The following PACRG variants were observed in gnomAD, a reference collection of about 807,000 sequenced individuals.
PACRG encodes parkin coregulated gene protein.
A neutral mutation model predicts 29.7 loss-of-function variants in PACRG; 29 were observed. The observed-to-expected ratio is 0.98, with a 90% CI of 0.73 to 1.33. PACRG has a LOEUF of 1.33. Ranked by LOEUF, PACRG falls within the 40% of genes most tolerant of loss-of-function variation. The probability of loss-of-function intolerance (pLI) is 0.00; values close to 1 mark genes in which losing one functional copy is unlikely to be tolerated. For synonymous variants in PACRG, 116 were observed against 118.7 expected, an observed-to-expected ratio of 0.98 and a Z score of 0.15; for missense variants, 279 against 316.2, an observed-to-expected ratio of 0.88 and a Z score of 0.89.
rs536636829 is a variant in PACRG at position 162,832,900 on chromosome 6, C to A, written c.291+18619C>A. Among the ~76,000 whole-genome samples, 13 of 150,962 alleles carry A rather than the reference C, an allele frequency of 8.6e-5. No homozygotes were observed. The East Asian group carries it at 2.3e-3, about 27-fold the overall frequency. On this transcript the variant is annotated intron_variant, in intron 2 of 4. Transcript: ENST00000366888. ...GTTTGATGTCTTCCTTTCTACTCAACAAAACCAATGATTTGCAATTTGAAT... is the reference window on the plus strand; with the variant it reads ...GTTTGATGTCTTCCTTTCTACTCAAAAAAACCAATGATTTGCAATTTGAAT...
intron 1 of PACRG, among the ~76,000 whole-genome samples, chr6:162,808,159 A>T (rs2128350971): frequency 6.6e-6 from 1 of 152,312 alleles, no homozygotes; most frequent in East Asian, 1.9e-4. Flanking sequence ...GCAGATACTG[A>T]ATTACAGAAC....
chr6:162,790,752 T>C (rs1333242729), intron 1 of PACRG, among the ~76,000 whole-genome samples: 1 of 152,134 alleles, frequency 6.6e-6, no homozygotes, highest in African/African-American at 2.4e-5. Context: ...GCTTTAACAT[T>C]AAAACGTCTC....
At chr6:163,124,475 T>C (rs756059432) in intron 4 of PACRG, among the ~76,000 whole-genome samples, 2 of 152,208 alleles carry the variant, frequency 1.3e-5, no homozygotes, top group Admixed American at 1.3e-4. Flanking sequence ...TATGTGACCT[T>C]GGGCACGTGA....
intron 2 of PACRG, among the ~76,000 whole-genome samples, chr6:162,827,182 T>G (rs984158769): frequency 6.6e-6 from 1 of 152,222 alleles, no homozygotes; most frequent in Non-Finnish European, 1.5e-5. Context: ...ATTGGTAATA[T>G]TAAAACCACA....
intron 2 of PACRG, among the ~76,000 whole-genome samples, chr6:162,914,078 C>G (rs1417852468): frequency 6.6e-6 from 1 of 151,980 alleles, no homozygotes; most frequent in Admixed American, 6.6e-5. Flanking sequence ...TGATGAAATC[C>G]AGCTTATCAT....
At chr6:163,096,504 G>A (rs911847859) in intron 4 of PACRG, among the ~76,000 whole-genome samples, 1 of 149,544 alleles carries the variant, frequency 6.7e-6, no homozygotes, top group African/African-American at 2.5e-5. Flanking sequence ...AGGCGCAAAG[G>A]CTCCGGCTGC....
intron 2 of PACRG, among the ~76,000 whole-genome samples, chr6:162,874,150 A>G (rs995759225): frequency 9.1e-6 from 1 of 110,430 alleles, no homozygotes; most frequent in Admixed American, 9.7e-5. Context: ...AAAAAAAAAA[A>G]AATATATATA....
chr6:162,950,917 A>G (rs2128132242), intron 2 of PACRG, among the ~76,000 whole-genome samples: 1 of 152,368 alleles, frequency 6.6e-6, no homozygotes, highest in Non-Finnish European at 1.5e-5. Context: ...ACAAGTGAAC[A>G]AAGATTGGGG....
At chr6:163,034,114 G>A (rs575961044) in intron 2 of PACRG, among the ~76,000 whole-genome samples, 3 of 152,132 alleles carry the variant, frequency 2.0e-5, no homozygotes, top group South Asian at 4.2e-4. Context: ...AGCAGGGTGG[G>A]AAGGCAAGGC....
intron 2 of PACRG, among the ~76,000 whole-genome samples, chr6:162,874,656 G>A (rs540947392): frequency 6.6e-6 from 1 of 152,152 alleles, no homozygotes; most frequent in Non-Finnish European, 1.5e-5. Flanking sequence ...ACATCAGTGT[G>A]GGGGGAGGCC....
At chr6:163,304,851 G>A (rs186381789) in intron 4 of PACRG, among the ~76,000 whole-genome samples, 1 of 152,332 alleles carries the variant, frequency 6.6e-6, no homozygotes, top group African/African-American at 2.4e-5. Flanking sequence ...GACGACTGGG[G>A]TTTTGAATCG....
intron 4 of PACRG, among the ~76,000 whole-genome samples, chr6:163,188,784 C>T (rs1198669531): frequency 6.6e-6 from 1 of 152,200 alleles, no homozygotes; most frequent in Non-Finnish European, 1.5e-5. Flanking sequence ...TGTTTGAGAT[C>T]TGAAAAACTG....
At chr6:162,827,390 G>A (rs1025202177) in intron 2 of PACRG, among the ~76,000 whole-genome samples, 1 of 152,120 alleles carries the variant, frequency 6.6e-6, no homozygotes, top group Admixed American at 6.6e-5. Context: ...TATGGACTAT[G>A]GTGACTATGA....
At position 162,777,170 on chromosome 6, in the gene PACRG, A is replaced by G. The variant is rs2128309101; in HGVS notation, c.157-36977A>G. ...CTGTCGCACACTTGCACAAACCCTGATCTCTCTTCAGGGGCCTCTTCAAAA... is the reference window on the plus strand; with the variant it reads ...CTGTCGCACACTTGCACAAACCCTGGTCTCTCTTCAGGGGCCTCTTCAAAA... On this transcript the variant is annotated intron_variant, in intron 1 of 4. Coordinates refer to ENST00000366888, the MANE Select transcript of PACRG (RefSeq NM_001080379.2). The surrounding 1 kb of genome is among the most constrained non-coding windows in gnomAD (Gnocchi z 4.0). Among the ~76,000 whole-genome samples the G allele has an allele frequency of 6.6e-6, 1 of 152,282 alleles. No homozygotes were observed. The highest frequency in any genetic ancestry group is 2.1e-4 in the South Asian group (1 of 4,818).
chr6:163,057,387 T>A (rs927285350), intron 2 of PACRG, among the ~76,000 whole-genome samples: 36 of 152,290 alleles, frequency 2.4e-4, no homozygotes, highest in African/African-American at 8.7e-4. Flanking sequence ...TTGCATAAAA[T>A]ATGGCAAGAA....
intron 2 of PACRG, among the ~76,000 whole-genome samples, chr6:162,896,614 G>T (rs1166687737): frequency 6.6e-6 from 1 of 152,190 alleles, no homozygotes; most frequent in Non-Finnish European, 1.5e-5. Flanking sequence ...CATCAATAAT[G>T]CAGGGTATAT....
chr6:162,747,709 A>G (rs555119701), intron 1 of PACRG, among the ~76,000 whole-genome samples: 3 of 151,734 alleles, frequency 2.0e-5, no homozygotes, highest in African/African-American at 7.2e-5. Flanking sequence ...TAAGCTGACC[A>G]AGACAGAGGA....
intron 4 of PACRG, among the ~76,000 whole-genome samples, chr6:163,096,901 C>A (rs1229211484): frequency 1.3e-5 from 2 of 152,176 alleles, no homozygotes; most frequent in Admixed American, 6.5e-5. Context: ...AGAATCAATA[C>A]CTTTCCCATA....
At chr6:162,729,781 T>C (rs976976243) in intron 1 of PACRG, among the ~76,000 whole-genome samples, 1 of 152,106 alleles carries the variant, frequency 6.6e-6, no homozygotes, top group Non-Finnish European at 1.5e-5. Context: ...TTGTATCATA[T>C]TAATTCTTTA....
Sources: allele counts gnomAD v4.1 joint callset (sites outside exome capture counted in the v4.1 genomes callset), GRCh38; gene constraint gnomAD v4.1.1; non-coding constraint Gnocchi (gnomAD v3.1); transcripts MANE v1.5; gene names NCBI Gene and HGNC (gene_info 2026-07-23, HGNC 2026-07-21).